Variants in IMMP2L observed in about 807,000 individuals in gnomAD.
IMMP2L encodes mitochondrial inner membrane protease subunit 2.
Under a neutral mutation model 19.3 loss-of-function variants are expected in IMMP2L, and 18 were observed. The ratio of observed to expected loss-of-function variants is 0.93; its 90% CI spans 0.64 to 1.38. The LOEUF is 1.38. Among genes scored for constraint, IMMP2L ranks in the 40% most tolerant of loss-of-function variants. The probability of loss-of-function intolerance (pLI) is 0.00; values close to 1 mark genes in which losing one functional copy is unlikely to be tolerated. For synonymous variants in IMMP2L, 76 were observed against 73.0 expected (o/e 1.04, Z -0.21); for missense variants, 233 against 218.2 (o/e 1.07, Z -0.43).
At chr7:111,384,031 C>T (rs1831463802) in intron 3 of IMMP2L, among the ~76,000 whole-genome samples, 1 of 152,024 alleles carries the variant, frequency 6.6e-6, no homozygotes, top group Admixed American at 6.6e-5. Flanking sequence ...TCAACCCCAG[C>T]TACACAGGAC....
intron 3 of IMMP2L, among the ~76,000 whole-genome samples, chr7:110,978,412 A>C (rs1008049706): frequency 1.3e-5 from 2 of 152,064 alleles, no homozygotes; most frequent in Non-Finnish European, 2.9e-5. Flanking sequence ...GGATTGTTGG[A>C]ACTGAGACCA....
chr7:111,159,147 G>A (rs1482422551), intron 3 of IMMP2L, among the ~76,000 whole-genome samples: 1 of 152,032 alleles, frequency 6.6e-6, no homozygotes, highest in Non-Finnish European at 1.5e-5. Flanking sequence ...ACGGAGTCTC[G>A]CTCTGTTACC....
intron 1 of IMMP2L, among the ~76,000 whole-genome samples, chr7:111,539,216 A>AGGAAGGAAGG (rs1449664288): frequency 2.0e-5 from 2 of 100,902 alleles, no homozygotes; most frequent in Non-Finnish European, 2.1e-5. Flanking sequence ...GAAAGAAAGA[A>AGGAAGGAAGG]AGAAAGAAAG....
intron 2 of IMMP2L, among the ~76,000 whole-genome samples, chr7:111,515,018 A>G (rs1166016459): frequency 6.6e-6 from 1 of 152,092 alleles, no homozygotes; most frequent in Admixed American, 6.6e-5. Context: ...TTAGTATCTG[A>G]TAGCTCCAAT....
chr7:111,228,483 G>A (rs1354610279), intron 3 of IMMP2L, among the ~76,000 whole-genome samples: 1 of 151,256 alleles, frequency 6.6e-6, no homozygotes, highest in Non-Finnish European at 1.5e-5. Context: ...TGAGTTCTAA[G>A]CACAAGAACC....
intron 4 of IMMP2L, among the ~76,000 whole-genome samples, chr7:110,922,136 T>A (rs1814362339): frequency 6.6e-6 from 1 of 152,158 alleles, no homozygotes; most frequent in Non-Finnish European, 1.5e-5. Flanking sequence ...AAAACAAAAA[T>A]TCCACTTTGC....
intron 3 of IMMP2L, among the ~76,000 whole-genome samples, chr7:111,295,109 A>T (rs1295653042): frequency 6.6e-6 from 1 of 151,894 alleles, no homozygotes; most frequent in Non-Finnish European, 1.5e-5. Flanking sequence ...TTTGTCCTTT[A>T]CTAGATAGGA....
At chr7:111,268,520 C>T (rs1401305152) in intron 3 of IMMP2L, among the ~76,000 whole-genome samples, 9 of 133,158 alleles carry the variant, frequency 6.8e-5, no homozygotes, top group South Asian at 2.3e-4. Flanking sequence ...GAGCCAGAAG[C>T]GAAAACTACA....
At chr7:111,313,104 C>A (rs1823691120) in intron 3 of IMMP2L, among the ~76,000 whole-genome samples, 1 of 152,118 alleles carries the variant, frequency 6.6e-6, no homozygotes, top group Non-Finnish European at 1.5e-5. Flanking sequence ...TATTGCTCAA[C>A]AGAGCCTATA....
At chr7:111,443,432 T>C (rs535415238) in intron 3 of IMMP2L, among the ~76,000 whole-genome samples, 9 of 152,242 alleles carry the variant, frequency 5.9e-5, no homozygotes, top group African/African-American at 1.9e-4. Context: ...AAAATCACAG[T>C]CACTCTTTGA....
chr7:110,907,950 G>C lies in IMMP2L; in HGVS notation c.306-21255C>G, dbSNP rs755192220. On this transcript the variant is annotated intron_variant, in intron 4 of 5. Transcript: ENST00000405709. Reference sequence around the variant, plus strand: ...AAAGTAGGAGCCAAGCCTTACTCATGCGACACAACGGTCAGTACTTGCTGC... The same window carrying C: ...AAAGTAGGAGCCAAGCCTTACTCATCCGACACAACGGTCAGTACTTGCTGC... Among the ~76,000 whole-genome samples, 21 of 152,126 alleles carry C rather than the reference G, an allele frequency of 1.4e-4. 1 individual carries two copies. Among genetic ancestry groups the C allele is most frequent in the Non-Finnish European group, 2.9e-5 (2 of 68,040 alleles).
intron 3 of IMMP2L, among the ~76,000 whole-genome samples, chr7:111,287,409 A>G (rs139971641): frequency 3.9e-5 from 6 of 152,288 alleles, no homozygotes; most frequent in Admixed American, 1.3e-4. Flanking sequence ...TGCTACGTAA[A>G]GCCACCATAA....
At chr7:111,198,405 C>T (rs368580198) in intron 3 of IMMP2L, among the ~76,000 whole-genome samples, 4 of 152,190 alleles carry the variant, frequency 2.6e-5, no homozygotes, top group South Asian at 2.1e-4. Context: ...TTTCCTAACC[C>T]GTACAAGCAG....
At chr7:111,218,458 GT>G (rs35926057) in intron 3 of IMMP2L, among the ~76,000 whole-genome samples, 27 of 150,012 alleles carry the variant, frequency 1.8e-4, no homozygotes, top group Admixed American at 3.3e-4. Flanking sequence ...AGTTTTATCA[GT>G]TTTTTTTTTC....
intron 3 of IMMP2L, among the ~76,000 whole-genome samples, chr7:111,283,919 C>T (rs1820193156): frequency 7.2e-6 from 1 of 138,812 alleles, no homozygotes; most frequent in African/African-American, 2.8e-5. Flanking sequence ...TGCAGTGAGC[C>T]GAGATCCCGC....
intron 3 of IMMP2L, among the ~76,000 whole-genome samples, chr7:111,050,779 G>A (rs1161502317): frequency 2.0e-5 from 3 of 152,100 alleles, no homozygotes; most frequent in South Asian, 4.1e-4. Context: ...CAAAAGTTAC[G>A]TATTTATTTA....
At chr7:111,364,308 T>C (rs1287452823) in intron 3 of IMMP2L, among the ~76,000 whole-genome samples, 1 of 152,142 alleles carries the variant, frequency 6.6e-6, no homozygotes, top group African/African-American at 2.4e-5. Flanking sequence ...TGTCATCTGC[T>C]AGTTATCATT....
chr7:110,694,733 AT>A (rs1793753352), intron 5 of IMMP2L, among the ~76,000 whole-genome samples: 1 of 152,198 alleles, frequency 6.6e-6, no homozygotes, highest in African/African-American at 2.4e-5. Flanking sequence ...TCCTAGGTAT[AT>A]ATCAAGAATT....
chr7:110,816,543 T>A (rs1035341818), intron 5 of IMMP2L, among the ~76,000 whole-genome samples: 33 of 151,852 alleles, frequency 2.2e-4, no homozygotes, highest in Admixed American at 1.9e-3. Flanking sequence ...GTCTCGTTGA[T>A]CTGTCTAATG....
Sources: gnomAD v4.1 joint callset for allele counts (sites outside exome capture counted in the v4.1 genomes callset) on GRCh38, gnomAD v4.1.1 for gene constraint, MANE v1.5 for transcripts, NCBI Gene and HGNC (gene_info 2026-07-23, HGNC 2026-07-21) for gene names.